Variants in SPECC1 observed in about 807,000 individuals in gnomAD.
The protein encoded by SPECC1 is sperm antigen with calponin homology and coiled-coil domains 1.
In SPECC1, 62 loss-of-function variants were observed where a neutral mutation model predicts 104.1. The ratio of observed to expected loss-of-function variants is 0.60; its 90% CI spans 0.49 to 0.74. SPECC1 has a LOEUF of 0.74. Among genes scored for constraint, SPECC1 ranks in the 30% least tolerant of loss-of-function variants. The pLI, the probability that SPECC1 is intolerant of heterozygous loss-of-function variation, is 0.00. For synonymous variants in SPECC1, 513 were observed against 501.6 expected (o/e 1.02, Z -0.30); for missense variants, 1,306 against 1,310.5 (o/e 1.00, Z 0.05).
chr17:20,294,663 C>A (rs199987266), intron 12 of SPECC1, among the ~76,000 whole-genome samples: 1 of 58,312 alleles, frequency 1.7e-5, no homozygotes, highest in African/African-American at 4.5e-5. Flanking sequence ...TATGAAGGTA[C>A]TGATGATGGT....
At position 20,062,189 on chromosome 17, in the gene SPECC1, C is replaced by CT. The variant is rs547749697; in HGVS notation, c.-21-34440dup. Among the ~76,000 whole-genome samples, 7 of 149,618 alleles carry CT rather than the reference C, an allele frequency of 4.7e-5. No individual in the cohort carries two copies. The South Asian group carries it at 1.3e-3, about 27-fold the overall frequency. Reference sequence around the variant, plus strand: ...AATGGCGTGAACCTGGGAGGCAGAGCTTGAGGTAAGCCGAGATCACGCCAC... The same window carrying CT: ...AATGGCGTGAACCTGGGAGGCAGAGCTTTGAGGTAAGCCGAGATCACGCCAC... On this transcript the variant is annotated intron_variant, in intron 1 of 14. Coordinates refer to ENST00000395527, the MANE Select transcript of SPECC1 (RefSeq NM_001243439.2).
chr17:20,281,984 C>G (rs1238564096), intron 12 of SPECC1, among the ~76,000 whole-genome samples: 1 of 152,292 alleles, frequency 6.6e-6, no homozygotes, highest in Non-Finnish European at 1.5e-5. Flanking sequence ...CGCCTGCGTT[C>G]GGGTGCTGTG....
chr17:20,284,400 A>G (rs1351421993), intron 12 of SPECC1, among the ~76,000 whole-genome samples: 1 of 152,240 alleles, frequency 6.6e-6, no homozygotes, highest in Non-Finnish European at 1.5e-5. Context: ...TCCACAAGTC[A>G]TGGCCAAGGG....
chr17:20,227,258 C>T (rs2038275453), intron 4 of SPECC1, among the ~76,000 whole-genome samples, 155 bp from the exon 5 acceptor site: 1 of 152,054 alleles, frequency 6.6e-6, no homozygotes, highest in Admixed American at 6.6e-5. Context: ...TTGTGGGGAG[C>T]TTTTCGTAAT....
chr17:20,097,241 C>A (rs1432781517), intron 2 of SPECC1, among the ~76,000 whole-genome samples: 1 of 152,206 alleles, frequency 6.6e-6, no homozygotes, highest in African/African-American at 2.4e-5. Context: ...TCTCCTCCCC[C>A]CATCCCTTTG....
chr17:20,211,203 G>C (rs960495719), intron 4 of SPECC1, among the ~76,000 whole-genome samples: 2 of 152,186 alleles, frequency 1.3e-5, no homozygotes, highest in African/African-American at 4.8e-5. Flanking sequence ...CTGGAGAGGT[G>C]GGAAGGTTAC....
At position 20,050,786 on chromosome 17, in the gene SPECC1, T is replaced by G. The variant is rs1298912909; in HGVS notation, c.-22+41362T>G. Among the ~76,000 whole-genome samples, 4 of 152,228 alleles carry G rather than the reference T, an allele frequency of 2.6e-5. No individual in the cohort carries two copies. The South Asian group carries it at 8.3e-4, about 31-fold the overall frequency. The stretch of plus-strand genomic sequence containing the variant: ...TAACATGAACTGGCCCAACTTAGGC[T>G]CACATTTGATAACTTCATGTTAGTA... On this transcript the variant is annotated intron_variant, in intron 1 of 14. Coordinates refer to ENST00000395527, the MANE Select transcript of SPECC1 (RefSeq NM_001243439.2).
intron 3 of SPECC1, chr17:20,112,896 A>G (rs2048564541): frequency 1.9e-6 from 3 of 1,565,516 alleles, no homozygotes; most frequent in African/African-American, 2.7e-5. Context: ...TCTGGGTGTG[A>G]TCTTCAAGAA....
intron 3 of SPECC1, among the ~76,000 whole-genome samples, chr17:20,137,039 T>C (rs1021514472): frequency 1.3e-5 from 2 of 152,250 alleles, no homozygotes; most frequent in African/African-American, 4.8e-5. Flanking sequence ...TGAAAGAGCA[T>C]CCAGAGGGTT....
At position 20,317,979 on chromosome 17, in the gene SPECC1, G is replaced by A. The variant is rs543378520; in HGVS notation, c.*3914G>A. The A allele has an allele frequency of 1.7e-4, 39 of 227,760 alleles. No individual in the cohort carries two copies. The highest frequency in any genetic ancestry group is 8.0e-4 in the African/African-American group (36 of 45,106). The allele number at this position is 227,760 out of a possible 1,614,324, so 14.1% of individuals were successfully genotyped here. ...ACAGAGCTCAGAGCACCAGGTGAAG[G>A]TGGAAAGTTGGCAGGAAAACAAGGT... On this transcript the variant is annotated 3_prime_UTR_variant, in exon 15 of 15. Coordinates refer to ENST00000395527, the MANE Select transcript of SPECC1 (RefSeq NM_001243439.2).
At position 20,204,772 on chromosome 17, in the gene SPECC1, C is replaced by T. The variant is rs368511084; in HGVS notation, c.723C>T (p.Ser241=). 3.9e-4 allele frequency: 635 copies of T among 1,613,912 alleles called. No individual in the cohort carries two copies. The highest frequency in any genetic ancestry group is 4.8e-4 in the Non-Finnish European group (562 of 1,180,022). ...ACAAGAACTTTCAGAAAGAGCTTTC[C>T]GATCTAGAGGAAGAAAACCGGGTCC... ...EKNKNFQKEL[S]DLEEENRVLK... Residue 241 remains serine (S), a synonymous_variant, in exon 4 of 15, where the codon TCC becomes TCT. Coordinates refer to ENST00000395527, the MANE Select transcript of SPECC1 (RefSeq NM_001243439.2).
At position 20,009,391 on chromosome 17, in the gene SPECC1, T is replaced by C. The variant is rs1171586678; in HGVS notation, c.-55T>C. On this transcript the variant is annotated 5_prime_UTR_variant, in exon 1 of 15. Coordinates refer to ENST00000395527, the MANE Select transcript of SPECC1 (RefSeq NM_001243439.2). This position sits in a 1 kb window ranked among gnomAD's most constrained non-coding sequence, Gnocchi z 5.2. ...AGTGAGCGCCCGGAGCCGTGGCCGC[T>C]GGGGGTTGCGGCGGCGCTGAGCCAG... The C allele has an allele frequency of 6.6e-6, 1 of 151,888 alleles. No individual in the cohort carries two copies. Among genetic ancestry groups the C allele is most frequent in the Non-Finnish European group, 1.5e-5 (1 of 67,956 alleles). The allele number at this position is 151,888 out of a possible 1,614,324, so 9.4% of individuals were successfully genotyped here.
chr17:20,045,101 A>G (rs769480863), intron 1 of SPECC1, among the ~76,000 whole-genome samples: 1 of 152,216 alleles, frequency 6.6e-6, no homozygotes, highest in Non-Finnish European at 1.5e-5. Context: ...AAACATCTCA[A>G]TATTCTGCTG....
intron 1 of SPECC1, among the ~76,000 whole-genome samples, chr17:20,049,965 G>C (rs1453537380): frequency 6.6e-6 from 1 of 152,036 alleles, no homozygotes; most frequent in Non-Finnish European, 1.5e-5. Flanking sequence ...TTACAGGCAT[G>C]TGCCACCATG....
At chr17:20,159,497 G>A (rs373037104) in intron 3 of SPECC1, among the ~76,000 whole-genome samples, 3 of 152,194 alleles carry the variant, frequency 2.0e-5, no homozygotes, top group Non-Finnish European at 2.9e-5. Context: ...CGCTGTAGGC[G>A]TTGAGATTGC....
chr17:20,018,349 C>T (rs2044231674), intron 1 of SPECC1, among the ~76,000 whole-genome samples: 1 of 152,200 alleles, frequency 6.6e-6, no homozygotes, highest in African/African-American at 2.4e-5. Flanking sequence ...ATGTTTCTAC[C>T]ATTCCATTGA....
intron 2 of SPECC1, among the ~76,000 whole-genome samples, chr17:20,100,043 T>C (rs2047868429): frequency 6.6e-6 from 1 of 152,250 alleles, no homozygotes. Flanking sequence ...AACTGCCGCA[T>C]ACATAGTTGT....
At chr17:20,025,886 A>G (rs1374604275) in intron 1 of SPECC1, among the ~76,000 whole-genome samples, 3 of 152,118 alleles carry the variant, frequency 2.0e-5, no homozygotes, top group Admixed American at 6.6e-5. Flanking sequence ...TTACCTTTTT[A>G]TTCTAGCCAT....
chr17:20,296,993 G>A lies in SPECC1; in HGVS notation c.2973G>A (p.Trp991Ter). 1.2e-6 allele frequency: 2 copies of A among 1,614,160 alleles called. No individual in the cohort carries two copies. Among genetic ancestry groups the A allele is most frequent in the Non-Finnish European group, 8.5e-7 (1 of 1,180,032 alleles). Residue 991 changes from tryptophan (W) to a stop codon, truncating the protein, a stop_gained, in exon 13 of 15, where the codon TGG (tryptophan) becomes TGA (stop). Coordinates refer to ENST00000395527, the MANE Select transcript of SPECC1 (RefSeq NM_001243439.2). LOFTEE classifies it high-confidence loss of function. ...NIDITNFSSS[W>*]SDGLAFCALL... ...ACATCACCAATTTCAGCAGCAGCTG[G>A]AGCGATGGCCTGGCCTTCTGTGCTC...
Sources: gnomAD v4.1 joint callset for allele counts (sites outside exome capture counted in the v4.1 genomes callset) on GRCh38, gnomAD v4.1.1 for gene constraint, Gnocchi (gnomAD v3.1) non-coding constraint, MANE v1.5 for transcripts, NCBI Gene and HGNC (gene_info 2026-07-23, HGNC 2026-07-21) for gene names.